CCDC141: variants seen among roughly 807,000 people sequenced by gnomAD.
CCDC141 encodes the protein coiled-coil domain containing 141.
In CCDC141, 168 loss-of-function variants were observed where a neutral mutation model predicts 181.0. The ratio of observed to expected loss-of-function variants is 0.93; its 90% CI spans 0.82 to 1.05. The LOEUF is 1.05. Ranked by LOEUF, CCDC141 falls within the 50% of genes least tolerant of loss-of-function variation. The pLI, the probability that CCDC141 is intolerant of heterozygous loss-of-function variation, is 0.00. For synonymous variants in CCDC141, 666 were observed against 642.3 expected (o/e 1.04, Z -0.56); for missense variants, 1,902 against 1,788.5 (o/e 1.06, Z -1.14).
At position 178,903,633 on chromosome 2, in the gene CCDC141, C is replaced by T. The variant is rs1235614299; in HGVS notation, c.1265+1696G>A. 2.0e-5 allele frequency among the ~76,000 whole-genome samples: 3 copies of T among 150,608 alleles called. No homozygotes were observed. The East Asian group carries it at 5.9e-4, about 30-fold the overall frequency. On this transcript the variant is annotated intron_variant, in intron 8 of 23. Coordinates refer to ENST00000443758, the MANE Select transcript of CCDC141 (RefSeq NM_173648.4). ...GGGTGGGGGGAGGGGGGAGGGATAG[C>T]TTTAGGAGATATATGTAATGCTAAA... is the stretch of plus-strand genomic sequence containing the variant.
At chr2:178,853,702 C>G (rs1041334057) in intron 19 of CCDC141, 78 bp from the exon 20 acceptor site, 6 of 1,245,628 alleles carry the variant, frequency 4.8e-6, no homozygotes, top group African/African-American at 3.0e-5. Flanking sequence ...AGTGAAGTAT[C>G]AAATTTTAAT....
intron 21 of CCDC141, 75 bp downstream of exon 21, chr2:178,849,974 G>A: frequency 2.6e-6 from 2 of 778,766 alleles, no homozygotes; most frequent in Non-Finnish European, 4.3e-6. Context: ...AAATGTCTTT[G>A]CACCAGAAGA....
chr2:178,868,225 C>T lies in CCDC141; in HGVS notation c.2395-20G>A, dbSNP rs755110142. The T allele has an allele frequency of 6.3e-7, 1 of 1,589,044 alleles. No homozygotes were observed. Among genetic ancestry groups the T allele is most frequent in the African/African-American group, 1.3e-5 (1 of 74,436 alleles). On this transcript the variant is annotated intron_variant, in intron 15 of 23. Coordinates refer to ENST00000443758, the MANE Select transcript of CCDC141 (RefSeq NM_173648.4). Reference sequence around the variant, plus strand: ...TCCCAGCTACAATTTAGGGCATTAACAATTAACCTGGGTTTTATATGAAGA... The same window carrying T: ...TCCCAGCTACAATTTAGGGCATTAATAATTAACCTGGGTTTTATATGAAGA...
In CCDC141 at chr2:179,010,747, C is replaced by A. The variant is rs1054393600; in HGVS notation, c.226-32072G>T. Among the ~76,000 whole-genome samples the A allele has an allele frequency of 2.0e-5, 3 of 151,928 alleles. No homozygotes were observed. In the East Asian group the frequency reaches 5.8e-4, roughly 29 times the overall value. ...TAAAACAAAAATACAAGTTAAAAAG[C>A]AAAAACAAAAAACAAAACAAACCGA... On this transcript the variant is annotated intron_variant, in intron 2 of 23. Coordinates refer to ENST00000443758, the MANE Select transcript of CCDC141 (RefSeq NM_173648.4).
At chr2:178,894,537 AAAGACC>A (rs1242424536) in intron 8 of CCDC141, among the ~76,000 whole-genome samples, 3 of 152,164 alleles carry the variant, frequency 2.0e-5, no homozygotes, top group South Asian at 2.1e-4. Flanking sequence ...ACCCACAATA[AAAGACC>A]AAGAAACTTT....
At chr2:178,978,142 T>C (rs979653452) in intron 3 of CCDC141, among the ~76,000 whole-genome samples, 1 of 152,206 alleles carries the variant, frequency 6.6e-6, no homozygotes, top group Non-Finnish European at 1.5e-5. Flanking sequence ...CATTTCTTAG[T>C]AATCCTACCA....
chr2:178,851,205 CAA>C (rs3045634), intron 20 of CCDC141, among the ~76,000 whole-genome samples: 13,488 of 103,866 alleles, frequency 0.13, 678 homozygotes, highest in African/African-American at 0.21. Flanking sequence ...GACTTTGTCT[CAA>C]AAAAAAAAAA....
intron 22 of CCDC141, among the ~76,000 whole-genome samples, chr2:178,841,245 C>T (rs568159225): frequency 6.6e-6 from 1 of 152,342 alleles, no homozygotes; most frequent in Admixed American, 6.5e-5. Context: ...ACTTAACACT[C>T]TTGAGTACAA....
At chr2:179,008,516 C>T (rs2042174954) in intron 2 of CCDC141, among the ~76,000 whole-genome samples, 1 of 152,214 alleles carries the variant, frequency 6.6e-6, no homozygotes, top group African/African-American at 2.4e-5. Flanking sequence ...GAACTGGCTG[C>T]ACCAGTGCTA....
chr2:178,881,561 G>A (rs533630932), intron 11 of CCDC141, among the ~76,000 whole-genome samples: 12 of 152,190 alleles, frequency 7.9e-5, no homozygotes, highest in South Asian at 6.2e-4. Flanking sequence ...TTAAAAGAAC[G>A]TTTTTAATGG....
chr2:178,907,510 C>T (rs1195162015), intron 7 of CCDC141, among the ~76,000 whole-genome samples: 3 of 152,204 alleles, frequency 2.0e-5, no homozygotes, highest in Non-Finnish European at 4.4e-5. Flanking sequence ...GTAAATATGT[C>T]TCTGCCTTTC....
In CCDC141 at chr2:178,871,294, T is replaced by A. The variant is rs1686110419; in HGVS notation, c.2205+133A>T. 2.7e-6 allele frequency: 3 copies of A among 1,099,468 alleles called. No individual in the cohort carries two copies. The African/African-American group carries it at 4.7e-5, about 17-fold the overall frequency. The allele number at this position is 1,099,468 out of a possible 1,614,324, so 68.1% of individuals were successfully genotyped here. A position where few individuals can be genotyped will look rare whatever the true frequency, so the allele number is the denominator to read the frequency against. On this transcript the variant is annotated intron_variant, in intron 14 of 23. Coordinates refer to ENST00000443758, the MANE Select transcript of CCDC141 (RefSeq NM_173648.4). ...GTAAGAAAAATGTCTCTACAGTGGA[T>A]TTTTAGACAAGCAATACTTTTGTTT...
At position 178,837,129 on chromosome 2, in the gene CCDC141, C is replaced by G; in HGVS notation, c.4090G>C (p.Ala1364Pro). Residue 1364 changes from alanine to proline, a missense_variant, in exon 23 of 24, where the codon GCT becomes CCT. Coordinates refer to ENST00000443758, the MANE Select transcript of CCDC141 (RefSeq NM_173648.4). ...NFTKTQDRLH[A>P]SSDAFSGLRF... ...AGGCCCGAGAATGCATCAGAGGAAG[C>G]ATGCAGCCTATCTTGGGTTTTAGTG... The G allele has an allele frequency of 6.2e-7, 1 of 1,613,968 alleles. No individual in the cohort carries two copies. The highest frequency in any genetic ancestry group is 8.5e-7 in the Non-Finnish European group (1 of 1,179,958).
rs183963820 is a variant in CCDC141 at position 179,030,209 on chromosome 2, C to A, written c.225+17075G>T. ...GAAATATTTATAAATAAATTAATAC[C>A]AAAAACAATTTTTAAGTTAATTCAT... On this transcript the variant is annotated intron_variant, in intron 2 of 23. Coordinates refer to ENST00000443758, the MANE Select transcript of CCDC141 (RefSeq NM_173648.4). 2.3e-3 allele frequency among the ~76,000 whole-genome samples: 349 copies of A among 151,920 alleles called. 2 individuals are homozygous for A. The highest frequency in any genetic ancestry group is 7.7e-3 in the African/African-American group (321 of 41,472).
intron 7 of CCDC141, among the ~76,000 whole-genome samples, chr2:178,907,783 C>T (rs1453684001): frequency 1.3e-5 from 2 of 152,014 alleles, no homozygotes; most frequent in Non-Finnish European, 2.9e-5. Context: ...CACTTGAGGT[C>T]AGGAGTTCAA....
At chr2:178,968,821 C>T (rs1690749561) in intron 4 of CCDC141, among the ~76,000 whole-genome samples, 1 of 151,476 alleles carries the variant, frequency 6.6e-6, no homozygotes, top group Non-Finnish European at 1.5e-5. Flanking sequence ...AAAAGATCAA[C>T]AAAACAGACC....
intron 5 of CCDC141, among the ~76,000 whole-genome samples, chr2:178,953,515 T>C (rs1397698282): frequency 6.6e-6 from 1 of 151,998 alleles, no homozygotes; most frequent in Admixed American, 6.5e-5. Flanking sequence ...CCAGGAATAC[T>C]ACCCCTTGGA....
At chr2:179,003,692 CAA>C (rs563008375) in intron 2 of CCDC141, among the ~76,000 whole-genome samples, 101 of 152,144 alleles carry the variant, frequency 6.6e-4, no homozygotes, top group African/African-American at 2.3e-3. Context: ...CAAGAGGAAA[CAA>C]AAACTTATTT....
chr2:178,887,715 A>G (rs1347006773), intron 9 of CCDC141, among the ~76,000 whole-genome samples: 2 of 152,214 alleles, frequency 1.3e-5, no homozygotes, highest in Non-Finnish European at 2.9e-5. Flanking sequence ...AGCAATTTAA[A>G]TACAGACATT....
Sources: allele counts gnomAD v4.1 joint callset (sites outside exome capture counted in the v4.1 genomes callset), GRCh38; gene constraint gnomAD v4.1.1; transcripts MANE v1.5; gene names NCBI Gene and HGNC (gene_info 2026-07-23, HGNC 2026-07-21).